Variants in SLIT2 observed in about 807,000 individuals in gnomAD.
The protein encoded by SLIT2 is slit guidance ligand 2, also known as slit homolog 2 protein.
A neutral mutation model predicts 185.7 loss-of-function variants in SLIT2; 41 were observed. The ratio of observed to expected loss-of-function variants is 0.22; its 90% CI spans 0.17 to 0.29. The LOEUF (loss-of-function observed/expected upper bound fraction) is 0.29, where lower values mean the gene tolerates loss of function less well. Among genes scored for constraint, SLIT2 ranks in the 10% least tolerant of loss-of-function variants. The pLI is 1.00. For synonymous variants in SLIT2, 693 were observed against 680.2 expected, an observed-to-expected ratio of 1.02 and a Z score of -0.29; for missense variants, 1,571 against 1,909.0, an observed-to-expected ratio of 0.82 and a Z score of 3.30.
At chr4:20,481,238 C>T (rs1716673671) in intron 6 of SLIT2, among the ~76,000 whole-genome samples, 1 of 152,066 alleles carries the variant, frequency 6.6e-6, no homozygotes, top group African/African-American at 2.4e-5. Context: ...TTGAAATCTG[C>T]TTCCTAAGGT....
At position 20,493,433 on chromosome 4, in the gene SLIT2, G is replaced by C. The variant is rs1191069205; in HGVS notation, c.914+1534G>C. On this transcript the variant is annotated intron_variant, in intron 9 of 36. Coordinates refer to ENST00000504154, the MANE Select transcript of SLIT2 (RefSeq NM_004787.4). Reference sequence around the variant, plus strand: ...TTAAGTGACTATTTACTACCTAAAGGCACCATTAATTTTCCTGAGATCATC... The same window carrying C: ...TTAAGTGACTATTTACTACCTAAAGCCACCATTAATTTTCCTGAGATCATC... Among the ~76,000 whole-genome samples, 6 of 152,182 alleles carry C rather than the reference G, an allele frequency of 3.9e-5. No homozygotes were observed. The South Asian group carries it at 8.3e-4, about 21-fold the overall frequency.
Position 20,553,735 on chromosome 4 carries a change from T to TTGTGTG in SLIT2, c.2562-54_2562-49dup, listed in dbSNP as rs3830489. 7.3e-3 allele frequency: 8,127 copies of TTGTGTG among 1,119,564 alleles called. 373 individuals carry two copies. The African/African-American group carries it at 0.12, about 16-fold the overall frequency. 69.4% of individuals were successfully genotyped at this position (1,119,564 alleles called of 1,614,324 possible). On this transcript the variant is annotated intron_variant, in intron 25 of 36. Transcript: ENST00000504154. ...TTAGGAAATAACAATACTTCCATAC[T>TTGTGTG]TGTGTGTGTGTGTGTGTGTGTATGT... is the stretch of plus-strand genomic sequence containing the variant.
chr4:20,586,268 T>G (rs1487864006), intron 29 of SLIT2, among the ~76,000 whole-genome samples: 1 of 152,208 alleles, frequency 6.6e-6, no homozygotes, highest in Non-Finnish European at 1.5e-5. Flanking sequence ...GAGAATAGCA[T>G]AAGCTATGTT....
At chr4:20,275,944 A>G (rs1017933256) in intron 4 of SLIT2, among the ~76,000 whole-genome samples, 2 of 152,142 alleles carry the variant, frequency 1.3e-5, no homozygotes, top group African/African-American at 4.8e-5. Context: ...GTATTCTGAA[A>G]GTTGTTCAGA....
Position 20,541,419 on chromosome 4 carries a change from G to A in SLIT2, c.1977-34G>A, listed in dbSNP as rs766511023. 3.7e-6 allele frequency: 6 copies of A among 1,606,716 alleles called. No homozygotes were observed. The African/African-American group carries it at 5.4e-5, about 14-fold the overall frequency. The stretch of plus-strand genomic sequence containing the variant: ...GAGAAGGAAGAAGATGAAACCCCAG[G>A]CTAAACTGTGCATCGTTTGCCTGTG... On this transcript the variant is annotated intron_variant, in intron 19 of 36. Coordinates refer to ENST00000504154, the MANE Select transcript of SLIT2 (RefSeq NM_004787.4).
At chr4:20,262,886 A>C (rs140365234) in intron 3 of SLIT2, among the ~76,000 whole-genome samples, 1 of 151,858 alleles carries the variant, frequency 6.6e-6, no homozygotes, top group African/African-American at 2.4e-5. Context: ...TGGGCCTTGA[A>C]GTTTAATGGT....
rs557729675 is a variant in SLIT2 at position 20,459,958 on chromosome 4, G to C, written c.396-7794G>C. On this transcript the variant is annotated intron_variant, in intron 4 of 36. Coordinates refer to ENST00000504154, the MANE Select transcript of SLIT2 (RefSeq NM_004787.4). ...GGCTCACTGCAACCTCTGCCTCCCA[G>C]TTTCAAGCGATTCTCCTGCCTCAGC... 5.2e-4 allele frequency among the ~76,000 whole-genome samples: 78 copies of C among 150,574 alleles called. No homozygotes were observed. The South Asian group carries it at 0.014, about 27-fold the overall frequency.
chr4:20,270,160 T>C (rs1713457307), intron 4 of SLIT2, among the ~76,000 whole-genome samples: 1 of 152,020 alleles, frequency 6.6e-6, no homozygotes, highest in Non-Finnish European at 1.5e-5. Context: ...AGGTTTGCTA[T>C]AAAGATTATA....
At position 20,363,760 on chromosome 4, in the gene SLIT2, A is replaced by G. The variant is rs563996627; in HGVS notation, c.395+94879A>G. 2.0e-5 allele frequency among the ~76,000 whole-genome samples: 3 copies of G among 152,258 alleles called. No individual in the cohort carries two copies. The South Asian group carries it at 6.2e-4, about 32-fold the overall frequency. The stretch of plus-strand genomic sequence containing the variant: ...CATTTCACTTCCATAAGGATCCAGA[A>G]GGGAAATATTTAAATGTAAAATTTG... On this transcript the variant is annotated intron_variant, in intron 4 of 36. Transcript: ENST00000504154.
chr4:20,435,362 G>A (rs898527516), intron 4 of SLIT2, among the ~76,000 whole-genome samples: 1 of 152,140 alleles, frequency 6.6e-6, no homozygotes, highest in Non-Finnish European at 1.5e-5. Context: ...AAAACATATG[G>A]TCTTGGACTT....
intron 4 of SLIT2, among the ~76,000 whole-genome samples, chr4:20,342,181 T>A (rs1177881484): frequency 6.6e-6 from 1 of 152,214 alleles, no homozygotes; most frequent in Non-Finnish European, 1.5e-5. Context: ...TGATTTCCTT[T>A]AAGTTTATAT....
intron 11 of SLIT2, among the ~76,000 whole-genome samples, chr4:20,511,587 A>ATTTTTTTTTTTT (rs759622666): frequency 0.14 from 11,190 of 81,402 alleles, 1,829 homozygotes; most frequent in East Asian, 0.25. Context: ...CATCCAGCTA[A>ATTTTTTTTTTTT]TTTTTTTTTT....
intron 4 of SLIT2, among the ~76,000 whole-genome samples, chr4:20,367,368 A>G (rs1723200320): frequency 6.6e-6 from 1 of 152,164 alleles, no homozygotes. Flanking sequence ...TTGTAAGTAA[A>G]GTATATTTGG....
chr4:20,424,210 CTT>C (rs754174708), intron 4 of SLIT2, among the ~76,000 whole-genome samples: 20 of 152,206 alleles, frequency 1.3e-4, no homozygotes, highest in Non-Finnish European at 2.2e-4. Context: ...CCATAAAACA[CTT>C]TTATCTGCTT....
chr4:20,471,508 G>A (rs1715013252), intron 5 of SLIT2, among the ~76,000 whole-genome samples: 1 of 152,068 alleles, frequency 6.6e-6, no homozygotes, highest in Non-Finnish European at 1.5e-5. Context: ...CCTGCATGAT[G>A]CCATTGTGGC....
intron 29 of SLIT2, among the ~76,000 whole-genome samples, chr4:20,574,144 C>T (rs879416541): frequency 3.3e-5 from 5 of 151,546 alleles, no homozygotes; most frequent in African/African-American, 4.9e-5. Flanking sequence ...TTAGTAGAGA[C>T]GGGATTTCAC....
intron 4 of SLIT2, among the ~76,000 whole-genome samples, chr4:20,407,625 T>G (rs1480442275): frequency 6.6e-6 from 1 of 152,162 alleles, no homozygotes; most frequent in Non-Finnish European, 1.5e-5. Flanking sequence ...CAAACTCAAT[T>G]GGCAGGAACA....
chr4:20,512,139 G>T (rs1423286578), intron 11 of SLIT2, among the ~76,000 whole-genome samples: 2 of 152,080 alleles, frequency 1.3e-5, no homozygotes, highest in African/African-American at 4.8e-5. Context: ...TATTTTTTAA[G>T]AGCCGAAACT....
In SLIT2 at chr4:20,505,165, A is replaced by G. The variant is rs183064097; in HGVS notation, c.915-5330A>G. Reference sequence around the variant, plus strand: ...AATAAAATACCATATTTTTTTCTACATCTCATGTAATTTTTAGAAAACATT... The same window carrying G: ...AATAAAATACCATATTTTTTTCTACGTCTCATGTAATTTTTAGAAAACATT... On this transcript the variant is annotated intron_variant, in intron 9 of 36. Transcript: ENST00000504154. 3.5e-3 allele frequency among the ~76,000 whole-genome samples: 528 copies of G among 152,112 alleles called. 5 individuals carry two copies. The highest frequency in any genetic ancestry group is 0.012 in the African/African-American group (490 of 41,536).
Sources: allele counts gnomAD v4.1 joint callset (sites outside exome capture counted in the v4.1 genomes callset), GRCh38; gene constraint gnomAD v4.1.1; transcripts MANE v1.5; gene names NCBI Gene and HGNC (gene_info 2026-07-23, HGNC 2026-07-21).